Variants in RABGAP1L observed in about 807,000 individuals in gnomAD.
RABGAP1L encodes the protein rab GTPase-activating protein 1-like.
RABGAP1L carries 63 observed loss-of-function variants against 137.7 expected under a neutral mutation model. That is an observed-to-expected ratio of 0.46 (90% confidence interval 0.37 to 0.56). The LOEUF (loss-of-function observed/expected upper bound fraction) is 0.56. Among genes scored for constraint, RABGAP1L ranks in the 20% least tolerant of loss-of-function variants. The pLI is 0.00. For missense variants in RABGAP1L, 1,095 were observed against 1,244.0 expected (o/e 0.88, Z 1.80); for synonymous variants, 431 against 433.7 (o/e 0.99, Z 0.08).
chr1:174,456,903 G>C (rs1220348016), intron 13 of RABGAP1L, among the ~76,000 whole-genome samples: 2 of 152,042 alleles, frequency 1.3e-5, no homozygotes, highest in Non-Finnish European at 1.5e-5. Flanking sequence ...GATTTAATCT[G>C]AATTAACCAG....
At chr1:174,509,165 C>G (rs539406043) in intron 13 of RABGAP1L, among the ~76,000 whole-genome samples, 274 of 152,140 alleles carry the variant, frequency 1.8e-3, no homozygotes, top group Non-Finnish European at 2.9e-3. Flanking sequence ...TGCTCAGATA[C>G]CCTTTCTTCA....
intron 4 of RABGAP1L, 88 bp downstream of exon 4, chr1:174,231,443 A>G (rs1235219446): frequency 1.7e-6 from 2 of 1,201,130 alleles, no homozygotes; most frequent in Non-Finnish European, 2.5e-6. Context: ...TGTAGAACTT[A>G]CTGTGAACTC....
chr1:174,983,961 A>G (rs1671355101), intron 24 of RABGAP1L, among the ~76,000 whole-genome samples: 1 of 151,392 alleles, frequency 6.6e-6, no homozygotes, highest in Non-Finnish European at 1.5e-5. Flanking sequence ...CACTCTTTGT[A>G]CATTATAGGC....
chr1:174,440,964 G>C (rs1466711374), intron 13 of RABGAP1L, among the ~76,000 whole-genome samples: 1 of 151,964 alleles, frequency 6.6e-6, no homozygotes, highest in Admixed American at 6.6e-5. Context: ...GTCCTTTCTG[G>C]CTTTGCTGTT....
chr1:174,315,931 T>G (rs531875014), intron 11 of RABGAP1L, among the ~76,000 whole-genome samples: 2 of 152,236 alleles, frequency 1.3e-5, no homozygotes, highest in South Asian at 4.1e-4. Flanking sequence ...TTTCTTATTC[T>G]TTTTCTTTTT....
intron 13 of RABGAP1L, among the ~76,000 whole-genome samples, chr1:174,470,530 G>A (rs1040064252): frequency 2.0e-5 from 3 of 152,142 alleles, no homozygotes. Context: ...ACTTTGGAAA[G>A]CTGAGACAGG....
In RABGAP1L at chr1:174,994,813, T is replaced by A. The variant is rs1171111526; in HGVS notation, c.*4812T>A. ...CAGTCAGCCCCACTTCCTTTCTTTC[T>A]AACTCCTACCTTTCCCTTGCAGAGG... On this transcript the variant is annotated 3_prime_UTR_variant, in exon 26 of 26. Coordinates refer to ENST00000681986, the MANE Select transcript of RABGAP1L (RefSeq NM_001366446.1). 6.6e-6 allele frequency: 1 copy of A among 152,260 alleles called. No homozygotes were observed. The highest frequency in any genetic ancestry group is 1.5e-5 in the Non-Finnish European group (1 of 68,044). 9.4% of individuals were successfully genotyped at this position (152,260 alleles called of 1,614,324 possible). A position where few individuals can be genotyped will look rare whatever the true frequency, so the allele number is the denominator to read the frequency against.
intron 1 of RABGAP1L, among the ~76,000 whole-genome samples, chr1:174,185,183 A>T (rs1666705988): frequency 6.6e-6 from 1 of 152,218 alleles, no homozygotes; most frequent in South Asian, 2.1e-4. Context: ...AGTATCTGCA[A>T]AATATGGGGA....
At chr1:174,617,797 G>A (rs764276178) in intron 13 of RABGAP1L, among the ~76,000 whole-genome samples, 7 of 152,174 alleles carry the variant, frequency 4.6e-5, no homozygotes, top group Non-Finnish European at 7.3e-5. Flanking sequence ...CGTGAGCGAC[G>A]CAGAAGACGG....
chr1:174,833,466 A>ATATATATATATATATATAT lies in RABGAP1L; in HGVS notation c.2340+21508_2340+21509insTATATATATATATATATTA, dbSNP rs71117580. 8.2e-3 allele frequency among the ~76,000 whole-genome samples: 501 copies of ATATATATATATATATATAT among 61,084 alleles called. 86 individuals are homozygous for ATATATATATATATATATAT. Among genetic ancestry groups the ATATATATATATATATATAT allele is most frequent in the East Asian group, 0.03 (77 of 2,574 alleles). 40.1% of individuals were successfully genotyped at this position (61,084 alleles called of 152,430 possible). On this transcript the variant is annotated intron_variant, in intron 19 of 25. Coordinates refer to ENST00000681986, the MANE Select transcript of RABGAP1L (RefSeq NM_001366446.1). ...TGTGTAGAGATATATATATATATAT[A>ATATATATATATATATATAT]TAGTAGAGACAGGGTTCTGTCATGT...
At chr1:174,804,550 C>T (rs551330368) in intron 18 of RABGAP1L, among the ~76,000 whole-genome samples, 4 of 152,272 alleles carry the variant, frequency 2.6e-5, no homozygotes, top group African/African-American at 4.8e-5. Context: ...TGAGCTCAAG[C>T]GATCTCTCCA....
intron 11 of RABGAP1L, among the ~76,000 whole-genome samples, chr1:174,340,842 T>A (rs1190135292): frequency 6.6e-6 from 1 of 152,220 alleles, no homozygotes; most frequent in Admixed American, 6.5e-5. Context: ...TTTCGGGAAT[T>A]GCCACATTGT....
At chr1:174,587,870 T>G (rs1669240999) in intron 13 of RABGAP1L, among the ~76,000 whole-genome samples, 1 of 152,190 alleles carries the variant, frequency 6.6e-6, no homozygotes, top group Non-Finnish European at 1.5e-5. Flanking sequence ...ATTTATTTAT[T>G]TATTATTTTT....
chr1:174,189,629 G>A (rs928064219), intron 1 of RABGAP1L, among the ~76,000 whole-genome samples: 1 of 152,206 alleles, frequency 6.6e-6, no homozygotes, highest in East Asian at 1.9e-4. Flanking sequence ...ATGGATTAAT[G>A]TGTTAGTGGA....
At chr1:174,486,251 T>A (rs1460855593) in intron 13 of RABGAP1L, among the ~76,000 whole-genome samples, 2 of 148,532 alleles carry the variant, frequency 1.3e-5, no homozygotes, top group South Asian at 2.1e-4. Flanking sequence ...TCTGGCTAAA[T>A]GTTTGTCAAT....
chr1:174,779,922 T>C (rs1193464464), intron 18 of RABGAP1L, among the ~76,000 whole-genome samples: 1 of 151,816 alleles, frequency 6.6e-6, no homozygotes, highest in Non-Finnish European at 1.5e-5. Context: ...AAAAATTAGC[T>C]TGGTGTGGTG....
At chr1:174,332,042 G>GT (rs1304535622) in intron 11 of RABGAP1L, among the ~76,000 whole-genome samples, 1 of 152,084 alleles carries the variant, frequency 6.6e-6, no homozygotes, top group African/African-American at 2.4e-5. Context: ...TTTGTTCTTA[G>GT]TAGAAAATCT....
At chr1:174,916,645 A>G (rs543717151) in intron 19 of RABGAP1L, among the ~76,000 whole-genome samples, 7 of 152,288 alleles carry the variant, frequency 4.6e-5, no homozygotes, top group Non-Finnish European at 1.0e-4. Flanking sequence ...ACACAATCCA[A>G]ATTTGATGTG....
intron 11 of RABGAP1L, among the ~76,000 whole-genome samples, chr1:174,323,432 C>T (rs544205795): frequency 6.6e-6 from 1 of 152,112 alleles, no homozygotes; most frequent in East Asian, 1.9e-4. Context: ...TATAACTACA[C>T]TCTTAATTGC....
Sources: allele counts gnomAD v4.1 joint callset (sites outside exome capture counted in the v4.1 genomes callset), GRCh38; gene constraint gnomAD v4.1.1; transcripts MANE v1.5; gene names NCBI Gene and HGNC (gene_info 2026-07-23, HGNC 2026-07-21).